ACOT11: variants seen among roughly 807,000 people sequenced by gnomAD.
ACOT11 encodes the protein acyl-coenzyme A thioesterase 11.
A neutral mutation model predicts 77.5 loss-of-function variants in ACOT11; 69 were observed. That is an observed-to-expected ratio of 0.89 (90% confidence interval 0.73 to 1.09). The LOEUF is 1.09. ACOT11 is among the 50% of genes least tolerant of loss of function. The probability of loss-of-function intolerance (pLI) is 0.00; values close to 1 mark genes in which losing one functional copy is unlikely to be tolerated. For missense variants in ACOT11, 766 were observed against 813.7 expected, an observed-to-expected ratio of 0.94 and a Z score of 0.71; for synonymous variants, 279 against 313.0, an observed-to-expected ratio of 0.89 and a Z score of 1.15.
At chr1:54,622,749 T>A (rs1203230460) in intron 15 of ACOT11, among the ~76,000 whole-genome samples, 2,083 of 150,634 alleles carry the variant, frequency 0.014, 27 homozygotes, top group South Asian at 0.023. Flanking sequence ...TCAAAAAAAA[T>A]AGTTAACGGG....
In ACOT11 at chr1:54,607,842, G is replaced by C. The variant is rs531582247; in HGVS notation, c.1503-100G>C. 1 of 1,498,314 alleles carries C rather than the reference G, an allele frequency of 6.7e-7. No individual in the cohort carries two copies. Among genetic ancestry groups the C allele is most frequent in the South Asian group, 1.2e-5 (1 of 83,038 alleles). 92.8% of individuals were successfully genotyped at this position (1,498,314 alleles called of 1,614,324 possible). ...CTTGCATCCCCCTGGTGAGGAATCT[G>C]TGCTAGAGGGGGCAGGGTCTCGGCC... On this transcript the variant is annotated intron_variant, in intron 14 of 15. Coordinates refer to ENST00000343744, the MANE Select transcript of ACOT11 (RefSeq NM_147161.4). The surrounding 1 kb of genome is among the most constrained non-coding windows in gnomAD (Gnocchi z 4.5).
At chr1:54,578,331 G>T (rs937546281) in intron 1 of ACOT11, among the ~76,000 whole-genome samples, 3 of 152,156 alleles carry the variant, frequency 2.0e-5, no homozygotes, top group African/African-American at 7.2e-5. Flanking sequence ...TTGCTGATGG[G>T]AACCTTGTGA....
intron 1 of ACOT11, among the ~76,000 whole-genome samples, chr1:54,555,640 A>T (rs1653232644): frequency 6.6e-6 from 1 of 152,230 alleles, no homozygotes; most frequent in Non-Finnish European, 1.5e-5. Context: ...TATCCAAAAA[A>T]TTCTTACCTA....
chr1:54,592,779 C>T (rs1654757179), intron 4 of ACOT11, among the ~76,000 whole-genome samples, 173 bp downstream of exon 4: 1 of 152,192 alleles, frequency 6.6e-6, no homozygotes. Flanking sequence ...CTTCCTGTCC[C>T]AAATCCCAGA....
rs759711159 is a variant in ACOT11, at chr1:54,548,341, G to T, written c.32G>T (p.Arg11Leu). MIQNVGNHLRRGLASVFSNRT... is the reference protein window; with the variant it reads MIQNVGNHLRLGLASVFSNRT... ...CAGAATGTCGGAAATCACCTGCGAC[G>T]GGTATGGAGGGTGGGCTGGGGCAGC... is the stretch of plus-strand genomic sequence containing the variant. The change falls in exon 1 of 16, where the codon CGG becomes CTG. Residue 11 changes from arginine to leucine, a missense_variant and splice_region_variant. By Grantham distance (102) the Arg-to-Leu change is moderately radical. Coordinates refer to ENST00000343744, the MANE Select transcript of ACOT11 (RefSeq NM_147161.4). 3.7e-6 allele frequency: 6 copies of T among 1,601,292 alleles called. No homozygotes were observed. The African/African-American group carries it at 8.0e-5, about 21-fold the overall frequency.
intron 1 of ACOT11, among the ~76,000 whole-genome samples, chr1:54,564,938 G>A (rs1208050205): frequency 6.6e-6 from 1 of 152,178 alleles, no homozygotes; most frequent in Non-Finnish European, 1.5e-5. Flanking sequence ...GGCTTTGAGA[G>A]CAGGGCGAAC....
rs1313948201 is a variant in ACOT11 at position 54,629,217 on chromosome 1, A to G, written c.1630-1517A>G. Among the ~76,000 whole-genome samples the G allele has an allele frequency of 4.5e-5, 6 of 134,586 alleles. 1 individual carries two copies. The highest frequency in any genetic ancestry group is 3.8e-4 in the Admixed American group (5 of 13,160). The allele number at this position is 134,586 out of a possible 152,430, so 88.3% of individuals were successfully genotyped here. A position where few individuals can be genotyped will look rare whatever the true frequency, so the allele number is the denominator to read the frequency against. On this transcript the variant is annotated intron_variant, in intron 15 of 16. Coordinates refer to the ACOT11 transcript ENST00000371316. ...GGGTGAAAACCAAGAGATGATGTAA[A>G]CAGCAGAATCAGACCCACAAAGTAT...
intron 8 of ACOT11, among the ~76,000 whole-genome samples, chr1:54,600,950 C>T (rs1027170713): frequency 2.0e-5 from 3 of 152,154 alleles, no homozygotes; most frequent in African/African-American, 7.2e-5. Flanking sequence ...TATTCACTCT[C>T]GCATCCTCAC....
Position 54,609,301 on chromosome 1 carries a change from G to T in ACOT11, c.*189G>T. On this transcript the variant is annotated 3_prime_UTR_variant, in exon 16 of 16. Coordinates refer to ENST00000343744, the MANE Select transcript of ACOT11 (RefSeq NM_147161.4). ...TACCAACATGAGCCAGCAAGTCCTT[G>T]TGGTAGCCCTGGGGTAGCCTGTAGT... is the stretch of plus-strand genomic sequence containing the variant. 2 of 1,610,142 alleles carry T rather than the reference G, an allele frequency of 1.2e-6. No homozygotes were observed. The highest frequency in any genetic ancestry group is 1.7e-6 in the Non-Finnish European group (2 of 1,177,036).
chr1:54,617,618 A>G (rs1465607079), intron 15 of ACOT11, among the ~76,000 whole-genome samples: 1 of 145,814 alleles, frequency 6.9e-6, no homozygotes, highest in East Asian at 2.1e-4. Flanking sequence ...AGTTCCAGGC[A>G]CCCAGCTTCT....
chr1:54,612,326 A>C (rs550704532), downstream of ACOT11, among the ~76,000 whole-genome samples: 4 of 151,884 alleles, frequency 2.6e-5, no homozygotes, highest in South Asian at 8.3e-4. Flanking sequence ...GCCCGTCACC[A>C]GAGGTATGCA....
At chr1:54,560,037 C>A (rs1653408237) in intron 1 of ACOT11, among the ~76,000 whole-genome samples, 1 of 152,208 alleles carries the variant, frequency 6.6e-6, no homozygotes, top group Admixed American at 6.5e-5. Context: ...TTCCCAGGGG[C>A]AGCCTTGCGG....
downstream of ACOT11, among the ~76,000 whole-genome samples, chr1:54,613,307 A>G (rs1644137952): frequency 6.6e-6 from 1 of 151,922 alleles, no homozygotes; most frequent in African/African-American, 2.4e-5. Flanking sequence ...TGAACCCAGG[A>G]GGCGGAGGTT....
At chr1:54,613,870 G>A (rs1644144040), downstream of ACOT11, among the ~76,000 whole-genome samples, 1 of 152,128 alleles carries the variant, frequency 6.6e-6, no homozygotes, top group African/African-American at 2.4e-5. Flanking sequence ...GAAAGAGCCT[G>A]GAGCTTAGAA....
At position 54,609,324 on chromosome 1, in the gene ACOT11, A is replaced by G. The variant is rs1417313516; in HGVS notation, c.*212A>G. ...TTGTGGTAGCCCTGGGGTAGCCTGTAGTAGACTCGGGTCCTGTCCACAGCC... is the reference window on the plus strand; with the variant it reads ...TTGTGGTAGCCCTGGGGTAGCCTGTGGTAGACTCGGGTCCTGTCCACAGCC... On this transcript the variant is annotated 3_prime_UTR_variant, in exon 16 of 16. Coordinates refer to ENST00000343744, the MANE Select transcript of ACOT11 (RefSeq NM_147161.4). The G allele has an allele frequency of 1.2e-6, 2 of 1,613,552 alleles. No individual in the cohort carries two copies. The highest frequency in any genetic ancestry group is 1.7e-5 in the Admixed American group (1 of 60,022).
intron 1 of ACOT11, among the ~76,000 whole-genome samples, chr1:54,549,764 T>C (rs1303276376): frequency 6.6e-6 from 1 of 152,220 alleles, no homozygotes; most frequent in Non-Finnish European, 1.5e-5. Flanking sequence ...AGGCAGCTTT[T>C]CAGCAGCGAG....
At chr1:54,563,415 C>G (rs929072065) in intron 1 of ACOT11, among the ~76,000 whole-genome samples, 1 of 152,230 alleles carries the variant, frequency 6.6e-6, no homozygotes, top group East Asian at 1.9e-4. Flanking sequence ...CCTCAGTTCC[C>G]TTTTCTGTGC....
At chr1:54,635,568 C>T (rs769443563) in exon 17 of ACOT11, 8 of 203,918 alleles carry the variant, frequency 3.9e-5, no homozygotes, top group East Asian at 1.7e-4. Flanking sequence ...TAAAGCATCC[C>T]GGGCAACCTG....
At chr1:54,594,989 T>C (rs1310378079) in intron 6 of ACOT11, among the ~76,000 whole-genome samples, 1 of 152,200 alleles carries the variant, frequency 6.6e-6, no homozygotes, top group African/African-American at 2.4e-5. Flanking sequence ...GAAGATAGTA[T>C]TGAGCTATAA....
Sources: gnomAD v4.1 joint callset for allele counts (sites outside exome capture counted in the v4.1 genomes callset) on GRCh38, gnomAD v4.1.1 for gene constraint, Gnocchi (gnomAD v3.1) non-coding constraint, MANE v1.5 for transcripts, NCBI Gene and HGNC (gene_info 2026-07-23, HGNC 2026-07-21) for gene names.